The following PRKCI variants were observed in gnomAD, a reference collection of about 807,000 sequenced individuals.
PRKCI encodes the protein protein kinase C iota.
Under a neutral mutation model 84.0 loss-of-function variants are expected in PRKCI, and 43 were observed. That is an observed-to-expected ratio of 0.51 (90% CI 0.40 to 0.66). PRKCI has a LOEUF of 0.66. Among genes scored for constraint, PRKCI ranks in the 30% least tolerant of loss-of-function variants. PRKCI has a pLI of 0.00. For synonymous variants in PRKCI, 216 were observed against 234.4 expected, an observed-to-expected ratio of 0.92 and a Z score of 0.72; for missense variants, 459 against 745.6, an observed-to-expected ratio of 0.62 and a Z score of 4.48.
At chr3:170,252,058 A>C (rs1186095252) in intron 2 of PRKCI, among the ~76,000 whole-genome samples, 2 of 152,094 alleles carry the variant, frequency 1.3e-5, no homozygotes, top group Non-Finnish European at 2.9e-5. Context: ...TACTAAAAAT[A>C]CAAAAATTAG....
chr3:170,297,066 A>G (rs547467000), intron 15 of PRKCI, among the ~76,000 whole-genome samples: 1 of 152,334 alleles, frequency 6.6e-6, no homozygotes, highest in East Asian at 1.9e-4. Context: ...TTCTTTAGCA[A>G]GGAATTGGTG....
intron 12 of PRKCI, among the ~76,000 whole-genome samples, chr3:170,286,241 T>C (rs1734387943): frequency 6.6e-6 from 1 of 151,904 alleles, no homozygotes; most frequent in Admixed American, 6.6e-5. Flanking sequence ...CGTATTTATA[T>C]TATACAAGTT....
At chr3:170,258,613 G>T (rs1733646968) in intron 2 of PRKCI, among the ~76,000 whole-genome samples, 1 of 152,144 alleles carries the variant, frequency 6.6e-6, no homozygotes, top group African/African-American at 2.4e-5. Context: ...CTTTTTCACT[G>T]AGGAATGCCA....
intron 15 of PRKCI, among the ~76,000 whole-genome samples, chr3:170,296,747 A>G (rs1357984817): frequency 1.3e-5 from 2 of 152,184 alleles, no homozygotes; most frequent in Non-Finnish European, 2.9e-5. Flanking sequence ...AGAGGTGTTG[A>G]TATGCAAAAT....
chr3:170,276,555 C>T (rs1343726614), intron 8 of PRKCI, among the ~76,000 whole-genome samples: 2 of 151,780 alleles, frequency 1.3e-5, no homozygotes, highest in African/African-American at 4.8e-5. Context: ...TTCTTGAGTT[C>T]AAGCCACCTC....
At chr3:170,292,979 T>G (rs1212995450) in intron 13 of PRKCI, among the ~76,000 whole-genome samples, 2 of 149,202 alleles carry the variant, frequency 1.3e-5, no homozygotes, top group Non-Finnish European at 3.0e-5. Context: ...AGGTGGAGCT[T>G]GCAGTGAGCC....
intron 4 of PRKCI, 125 bp downstream of exon 4, chr3:170,263,554 C>T (rs892327473): frequency 1.5e-5 from 11 of 725,406 alleles, no homozygotes; most frequent in South Asian, 6.5e-5. Context: ...GTAATCCCAG[C>T]ACTGTGGGAA....
intron 2 of PRKCI, among the ~76,000 whole-genome samples, chr3:170,250,839 T>C (rs1733426173): frequency 6.6e-6 from 1 of 152,228 alleles, no homozygotes; most frequent in Non-Finnish European, 1.5e-5. Flanking sequence ...AATTTCTCTA[T>C]ATACACTTAG....
At chr3:170,240,023 A>C (rs1048604383) in intron 2 of PRKCI, among the ~76,000 whole-genome samples, 3 of 152,074 alleles carry the variant, frequency 2.0e-5, no homozygotes, top group African/African-American at 7.2e-5. Context: ...TTAGCTGGGC[A>C]TGGTGGTACA....
At chr3:170,223,867 T>C (rs892305233) in intron 1 of PRKCI, among the ~76,000 whole-genome samples, 1 of 152,154 alleles carries the variant, frequency 6.6e-6, no homozygotes, top group African/African-American at 2.4e-5. Context: ...TTGTTTTGAT[T>C]TCAAAGAAAA....
chr3:170,266,224 T>C (rs1188802579), intron 4 of PRKCI, among the ~76,000 whole-genome samples: 2 of 152,178 alleles, frequency 1.3e-5, no homozygotes, highest in East Asian at 3.8e-4. Context: ...AACATATTAA[T>C]ATAAAGACCA....
chr3:170,261,472 AAAAC>A (rs1407958287), intron 3 of PRKCI, among the ~76,000 whole-genome samples: 2 of 150,918 alleles, frequency 1.3e-5, no homozygotes, highest in East Asian at 1.9e-4. Flanking sequence ...AAAAAAAAAA[AAAAC>A]AGTGGTTTGA....
intron 2 of PRKCI, among the ~76,000 whole-genome samples, chr3:170,237,743 T>G (rs1733016001): frequency 6.6e-6 from 1 of 152,208 alleles, no homozygotes; most frequent in South Asian, 2.1e-4. Context: ...TTCTCATTTT[T>G]TAAAACAGTG....
intron 14 of PRKCI, among the ~76,000 whole-genome samples, chr3:170,295,432 G>T (rs1377074538): frequency 6.6e-6 from 1 of 152,008 alleles, no homozygotes; most frequent in Non-Finnish European, 1.5e-5. Context: ...ACTTTGGGAG[G>T]CTGAGGTGGG....
Position 170,270,578 on chromosome 3 carries a change from T to G in PRKCI, c.591+17T>G. On this transcript the variant is annotated intron_variant, in intron 6 of 17. Coordinates refer to ENST00000295797, the MANE Select transcript of PRKCI (RefSeq NM_002740.6). ...TTGCCACAGGTAAGATGTCTGTCCT[T>G]TTTTTTTTTTTTTTTTTTAAGAGCG... 1 of 571,996 alleles carries G rather than the reference T, an allele frequency of 1.7e-6. No individual in the cohort carries two copies. Among genetic ancestry groups the G allele is most frequent in the Non-Finnish European group, 2.7e-6 (1 of 375,498 alleles). The allele number at this position is 571,996 out of a possible 1,614,324, so 35.4% of individuals were successfully genotyped here. A position where few individuals can be genotyped will look rare whatever the true frequency, so the allele number is the denominator to read the frequency against.
intron 5 of PRKCI, among the ~76,000 whole-genome samples, chr3:170,268,287 C>T (rs1311990023): frequency 1.3e-5 from 2 of 152,146 alleles, no homozygotes; most frequent in Admixed American, 6.5e-5. Flanking sequence ...TCATACCAGC[C>T]TGGCCAACAT....
intron 2 of PRKCI, among the ~76,000 whole-genome samples, chr3:170,253,205 AGTG>A (rs1353339485): frequency 6.6e-6 from 1 of 152,126 alleles, no homozygotes; most frequent in Non-Finnish European, 1.5e-5. Flanking sequence ...GTGTATATCT[AGTG>A]GTGGGATTTC....
intron 2 of PRKCI, among the ~76,000 whole-genome samples, chr3:170,237,957 A>C (rs576095585): frequency 5.3e-5 from 8 of 152,308 alleles, no homozygotes; most frequent in African/African-American, 1.7e-4. Context: ...ATTCTTTATT[A>C]ACAGTTTTAT....
At chr3:170,292,135 G>T (rs1163480356) in intron 13 of PRKCI, among the ~76,000 whole-genome samples, 194 bp downstream of exon 13, 2 of 152,136 alleles carry the variant, frequency 1.3e-5, no homozygotes, top group African/African-American at 2.4e-5. Context: ...GTATTTGGGG[G>T]TACCAAGCTG....
Sources: gnomAD v4.1 joint callset for allele counts (sites outside exome capture counted in the v4.1 genomes callset) on GRCh38, gnomAD v4.1.1 for gene constraint, MANE v1.5 for transcripts, NCBI Gene and HGNC (gene_info 2026-07-23, HGNC 2026-07-21) for gene names.